The following PHACTR2 variants were observed in gnomAD, a reference collection of about 807,000 sequenced individuals.
PHACTR2 encodes phosphatase and actin regulator 2.
A neutral mutation model predicts 76.0 loss-of-function variants in PHACTR2; 30 were observed. The observed-to-expected ratio is 0.39, with a 90% CI of 0.30 to 0.54. The LOEUF (loss-of-function observed/expected upper bound fraction) is 0.54, where lower values mean the gene tolerates loss of function less well. Ranked by LOEUF, PHACTR2 falls within the 20% of genes least tolerant of loss-of-function variation. The pLI is 0.61. For synonymous variants in PHACTR2, 292 were observed against 292.5 expected (o/e 1.00, Z 0.02); for missense variants, 696 against 781.1 (o/e 0.89, Z 1.30).
rs965671432 is a variant in PHACTR2 at position 143,689,167 on chromosome 6, C to T, written c.46+10958C>T. ...GATCCTTGTGCTTCATAGAGACCTT[C>T]CCTGCCTACCCCTCTCCAGAATAAC... On this transcript the variant is annotated intron_variant, in intron 1 of 12. Coordinates refer to ENST00000440869, the MANE Select transcript of PHACTR2 (RefSeq NM_001100164.2). The surrounding 1 kb of genome is among the most constrained non-coding windows in gnomAD (Gnocchi z 4.4). Among the ~76,000 whole-genome samples the T allele has an allele frequency of 1.3e-5, 2 of 152,214 alleles. No individual in the cohort carries two copies. The highest frequency in any genetic ancestry group is 4.8e-5 in the African/African-American group (2 of 41,450).
At chr6:143,666,068 C>T (rs573253192) in intron 1 of PHACTR2, among the ~76,000 whole-genome samples, 47 of 151,788 alleles carry the variant, frequency 3.1e-4, no homozygotes, top group Admixed American at 2.2e-3. Context: ...TGATGTTCCC[C>T]TCTCTATGTC....
intron 2 of PHACTR2, among the ~76,000 whole-genome samples, chr6:143,729,015 T>G (rs1176922855): frequency 6.6e-6 from 1 of 152,178 alleles, no homozygotes; most frequent in African/African-American, 2.4e-5. Context: ...ATAAAAAGTT[T>G]CTGCTCAGCA....
At chr6:143,747,090 T>C (rs1779083749) in intron 2 of PHACTR2, among the ~76,000 whole-genome samples, 1 of 152,204 alleles carries the variant, frequency 6.6e-6, no homozygotes, top group African/African-American at 2.4e-5. Flanking sequence ...CCAAAAAAAG[T>C]TTGACAAAAT....
chr6:143,720,109 G>A (rs896370827), intron 2 of PHACTR2, among the ~76,000 whole-genome samples: 55 of 152,134 alleles, frequency 3.6e-4, no homozygotes, highest in African/African-American at 1.2e-3. Context: ...ACTGTGCCCA[G>A]CCAAGTGTTC....
upstream of PHACTR2, among the ~76,000 whole-genome samples, chr6:143,605,454 G>A (rs1212869794): frequency 6.6e-6 from 1 of 152,180 alleles, no homozygotes; most frequent in East Asian, 1.9e-4. The surrounding 1 kb of genome is among the most constrained non-coding windows in gnomAD (Gnocchi z 5.0). Flanking sequence ...ATTAAATCAA[G>A]GGAGGGAGTG....
At chr6:143,747,629 C>T (rs1284837135) in intron 2 of PHACTR2, among the ~76,000 whole-genome samples, 1 of 152,180 alleles carries the variant, frequency 6.6e-6, no homozygotes, top group Non-Finnish European at 1.5e-5. Flanking sequence ...CGGGGAACGT[C>T]AGAAATCTCG....
In PHACTR2 at chr6:143,602,762, C is replaced by G. The variant is rs777976640; in HGVS notation, c.217+65555C>G. Among the ~76,000 whole-genome samples, 6 of 152,178 alleles carry G rather than the reference C, an allele frequency of 3.9e-5. No individual in the cohort carries two copies. The highest frequency in any genetic ancestry group is 8.8e-5 in the Non-Finnish European group (6 of 68,036). ...GTCCAAACTTGTCGGAAGACTGTGT[C>G]TGATGGATGTTGCCTTATGTAAGGT... On this transcript the variant is annotated intron_variant, in intron 1 of 11. Coordinates refer to the PHACTR2 transcript ENST00000367584. This position sits in a 1 kb window ranked among gnomAD's most constrained non-coding sequence, Gnocchi z 6.1.
rs1775928477 is a variant in PHACTR2, at chr6:143,800,438, T to G, written c.1846-6619T>G. ...CACCATGCCCAGTTAATTTTTTGTATTTTTAGTAGAGACGGGGTTTCACTG... is the reference window on the plus strand; with the variant it reads ...CACCATGCCCAGTTAATTTTTTGTAGTTTTAGTAGAGACGGGGTTTCACTG... On this transcript the variant is annotated intron_variant, in intron 11 of 12. Transcript: ENST00000440869. This position sits in a 1 kb window ranked among gnomAD's most constrained non-coding sequence, Gnocchi z 4.8. Among the ~76,000 whole-genome samples, 1 of 152,048 alleles carries G rather than the reference T, an allele frequency of 6.6e-6. No homozygotes were observed. The highest frequency in any genetic ancestry group is 1.5e-5 in the Non-Finnish European group (1 of 68,004).
chr6:143,777,047 C>T lies in PHACTR2; in HGVS notation c.1590-281C>T, dbSNP rs995137666. On this transcript the variant is annotated intron_variant, in intron 8 of 12. Coordinates refer to ENST00000440869, the MANE Select transcript of PHACTR2 (RefSeq NM_001100164.2). The surrounding 1 kb of genome is among the most constrained non-coding windows in gnomAD (Gnocchi z 4.6). ...GCAGAAACTCAGTCACAGCACGATA[C>T]CTGGCTTCTAGGGAGGCAGAAGTCT... 1.3e-4 allele frequency among the ~76,000 whole-genome samples: 20 copies of T among 151,996 alleles called. No homozygotes were observed. The highest frequency in any genetic ancestry group is 8.3e-4 in the South Asian group (4 of 4,802).
At chr6:143,723,947 G>GT (rs1273696486) in intron 2 of PHACTR2, among the ~76,000 whole-genome samples, 4 of 151,410 alleles carry the variant, frequency 2.6e-5, no homozygotes, top group South Asian at 2.1e-4. Flanking sequence ...TAATTCTTCC[G>GT]TTTTTTTCTT....
chr6:143,747,471 G>A (rs1006587371), intron 2 of PHACTR2, among the ~76,000 whole-genome samples: 3 of 152,168 alleles, frequency 2.0e-5, no homozygotes, highest in Non-Finnish European at 4.4e-5. Flanking sequence ...CATGTTCTTA[G>A]TGTTATCACA....
rs140685603 is a variant in PHACTR2 at position 143,648,234 on chromosome 6, T to C, written c.13+39912T>C. ...ACTTCTTCCATGTGTCTACTGCAAATTGTCTGAGAAGGGCAGGGCCTAGGA... is the reference window on the plus strand; with the variant it reads ...ACTTCTTCCATGTGTCTACTGCAAACTGTCTGAGAAGGGCAGGGCCTAGGA... On this transcript the variant is annotated intron_variant, in intron 1 of 11. Coordinates refer to the PHACTR2 transcript ENST00000305766. The surrounding 1 kb of genome is among the most constrained non-coding windows in gnomAD (Gnocchi z 6.7). Among the ~76,000 whole-genome samples the C allele has an allele frequency of 3.3e-5, 5 of 152,260 alleles. No homozygotes were observed. The East Asian group carries it at 9.6e-4, about 29-fold the overall frequency.
intron 1 of PHACTR2, among the ~76,000 whole-genome samples, chr6:143,693,700 C>A (rs1338084518): frequency 6.6e-6 from 1 of 152,186 alleles, no homozygotes; most frequent in Non-Finnish European, 1.5e-5. Context: ...AAGGCCTCTT[C>A]CCCACTCACC....
rs1776011827 is a variant in PHACTR2 at position 143,803,832 on chromosome 6, G to A, written c.1846-3225G>A. 1.3e-5 allele frequency among the ~76,000 whole-genome samples: 2 copies of A among 152,152 alleles called. No individual in the cohort carries two copies. Among genetic ancestry groups the A allele is most frequent in the African/African-American group, 4.8e-5 (2 of 41,440 alleles). On this transcript the variant is annotated intron_variant, in intron 11 of 12. Coordinates refer to ENST00000440869, the MANE Select transcript of PHACTR2 (RefSeq NM_001100164.2). The surrounding 1 kb of genome is among the most constrained non-coding windows in gnomAD (Gnocchi z 4.7). Reference sequence around the variant, plus strand: ...TTTTGTTTCCAAAGTCGATATACTAGAGCGTTGCGAAAATAAAAGCAAGAT... The same window carrying A: ...TTTTGTTTCCAAAGTCGATATACTAAAGCGTTGCGAAAATAAAAGCAAGAT...
Position 143,731,256 on chromosome 6 carries a change from C to T in PHACTR2, c.215-17729C>T, listed in dbSNP as rs147907378. Reference sequence around the variant, plus strand: ...TTTTTGAATTTTGAACCAGTTTTTGCATCCTTAGGATAAGTCCCACTGTGT... The same window carrying T: ...TTTTTGAATTTTGAACCAGTTTTTGTATCCTTAGGATAAGTCCCACTGTGT... On this transcript the variant is annotated intron_variant, in intron 2 of 12. Coordinates refer to ENST00000440869, the MANE Select transcript of PHACTR2 (RefSeq NM_001100164.2). The surrounding 1 kb of genome is among the most constrained non-coding windows in gnomAD (Gnocchi z 4.9). 1.1e-3 allele frequency among the ~76,000 whole-genome samples: 168 copies of T among 152,058 alleles called. No individual in the cohort carries two copies. The highest frequency in any genetic ancestry group is 6.8e-3 in the Middle Eastern group (2 of 294).
chr6:143,631,931 A>G (rs1016253409), intron 1 of PHACTR2, among the ~76,000 whole-genome samples: 17 of 152,326 alleles, frequency 1.1e-4, no homozygotes, highest in African/African-American at 3.6e-4. Flanking sequence ...TATATCTGTT[A>G]TAGTACCATG....
At position 143,757,066 on chromosome 6, in the gene PHACTR2, A is replaced by AAATAATAAGATTTTATAAG. The variant is rs1562295254; in HGVS notation, c.454+3158_454+3176dup. Reference sequence around the variant, plus strand: ...AAAAAAAGAAAATAATAATAATTTTAAATAATAAGATTTTATAAGAATTCT... The same window carrying AAATAATAAGATTTTATAAG: ...AAAAAAAGAAAATAATAATAATTTTAAATAATAAGATTTTATAAGAATAATAAGATTTTATAAGAATTCT... On this transcript the variant is annotated intron_variant, in intron 4 of 12. Transcript: ENST00000440869. This position sits in a 1 kb window ranked among gnomAD's most constrained non-coding sequence, Gnocchi z 4.2. Among the ~76,000 whole-genome samples the AAATAATAAGATTTTATAAG allele has an allele frequency of 1.3e-5, 2 of 152,284 alleles. No homozygotes were observed. The highest frequency in any genetic ancestry group is 4.8e-5 in the African/African-American group (2 of 41,586).
intron 1 of PHACTR2, among the ~76,000 whole-genome samples, chr6:143,630,708 C>T (rs757985727): frequency 6.6e-6 from 1 of 152,118 alleles, no homozygotes; most frequent in Admixed American, 6.5e-5. Flanking sequence ...CTACATCATA[C>T]GTAATTCACA....
chr6:143,748,117 G>T lies in PHACTR2; in HGVS notation c.215-868G>T, dbSNP rs1425689052. 2.6e-5 allele frequency among the ~76,000 whole-genome samples: 4 copies of T among 152,102 alleles called. No individual in the cohort carries two copies. In the South Asian group the frequency reaches 8.3e-4, roughly 32 times the overall value. The stretch of plus-strand genomic sequence containing the variant: ...TTTCGCTCTTGTCGCCCAGGCTGGA[G>T]TGCAATGGCACGATCTTGGCTCACT... On this transcript the variant is annotated intron_variant, in intron 2 of 12. Transcript: ENST00000440869.
Sources: allele counts gnomAD v4.1 joint callset (sites outside exome capture counted in the v4.1 genomes callset), GRCh38; gene constraint gnomAD v4.1.1; non-coding constraint Gnocchi (gnomAD v3.1); transcripts MANE v1.5; gene names NCBI Gene and HGNC (gene_info 2026-07-23, HGNC 2026-07-21).